The following AUTS2 variants were observed in gnomAD, a reference collection of about 807,000 sequenced individuals.
AUTS2 encodes the protein autism susceptibility gene 2 protein.
AUTS2 carries 17 observed loss-of-function variants against 112.4 expected under a neutral mutation model. That is an observed-to-expected ratio of 0.15 (90% CI 0.10 to 0.23). The LOEUF (loss-of-function observed/expected upper bound fraction) is 0.23, where lower values mean the gene tolerates loss of function less well. Ranked by LOEUF, AUTS2 falls within the 10% of genes least tolerant of loss-of-function variation. The pLI is 1.00. For missense variants in AUTS2, 1,510 were observed against 1,701.6 expected, an observed-to-expected ratio of 0.89 and a Z score of 1.98; for synonymous variants, 751 against 702.7, an observed-to-expected ratio of 1.07 and a Z score of -1.09.
chr7:70,374,213 A>G (rs1000940235), intron 4 of AUTS2, among the ~76,000 whole-genome samples: 1 of 152,226 alleles, frequency 6.6e-6, no homozygotes, highest in Non-Finnish European at 1.5e-5. Flanking sequence ...TGTCTCGAAA[A>G]GAGGGATAAA....
intron 4 of AUTS2, among the ~76,000 whole-genome samples, chr7:70,357,199 G>A (rs566752761): frequency 1.4e-4 from 22 of 152,266 alleles, no homozygotes; most frequent in Admixed American, 4.6e-4. Context: ...AACAAACCGC[G>A]CAGGGGAAGA....
chr7:70,489,139 T>C (rs1291039848), intron 5 of AUTS2, among the ~76,000 whole-genome samples: 1 of 152,234 alleles, frequency 6.6e-6, no homozygotes, highest in Non-Finnish European at 1.5e-5. Flanking sequence ...CAACTCATTC[T>C]GGGAGAAGGC....
intron 1 of AUTS2, among the ~76,000 whole-genome samples, chr7:69,876,343 AAAAAAAATATATATATATATATATATAT>A (rs1793751775): frequency 1.2e-5 from 1 of 80,594 alleles, no homozygotes; most frequent in Non-Finnish European, 2.4e-5. Flanking sequence ...AAAAAAAAAA[AAAAAAAATATATATATATATATATATAT>A]ATATATATAT....
intron 2 of AUTS2, among the ~76,000 whole-genome samples, chr7:70,019,119 G>C (rs1749154382): frequency 6.6e-6 from 1 of 152,212 alleles, no homozygotes; most frequent in Non-Finnish European, 1.5e-5. Context: ...CAGGAACATG[G>C]ATAGGAGCTG....
intron 4 of AUTS2, among the ~76,000 whole-genome samples, chr7:70,424,936 G>T (rs1014212258): frequency 6.6e-6 from 1 of 152,174 alleles, no homozygotes; most frequent in Non-Finnish European, 1.5e-5. Flanking sequence ...ATTTCTAGAG[G>T]AAAACATGCT....
chr7:70,749,930 C>G (rs760112724), intron 6 of AUTS2, among the ~76,000 whole-genome samples: 2 of 152,238 alleles, frequency 1.3e-5, no homozygotes, highest in African/African-American at 4.8e-5. Context: ...AGAGCTTCCA[C>G]CTACACTACA....
intron 2 of AUTS2, among the ~76,000 whole-genome samples, chr7:69,969,863 A>G (rs1797777863): frequency 6.6e-6 from 1 of 152,190 alleles, no homozygotes; most frequent in South Asian, 2.1e-4. Flanking sequence ...AAACTATAAG[A>G]AAATACATCA....
At chr7:69,647,861 T>TA (rs1795103077) in intron 1 of AUTS2, among the ~76,000 whole-genome samples, 2 of 152,218 alleles carry the variant, frequency 1.3e-5, no homozygotes, top group South Asian at 2.1e-4. Flanking sequence ...TTCTGGTAGT[T>TA]TATTGACAGT....
chr7:70,224,129 A>G (rs934671227), intron 4 of AUTS2, among the ~76,000 whole-genome samples: 1 of 152,112 alleles, frequency 6.6e-6, no homozygotes, highest in Non-Finnish European at 1.5e-5. Context: ...AGCCTGTGCA[A>G]TGTGGTGAAA....
intron 2 of AUTS2, among the ~76,000 whole-genome samples, chr7:69,916,026 T>TA (rs1436136391): frequency 2.6e-5 from 4 of 152,228 alleles, no homozygotes; most frequent in Non-Finnish European, 5.9e-5. Flanking sequence ...GCCTTTTGAA[T>TA]AAAAATTTAG....
chr7:69,677,787 A>G (rs1796621376), intron 1 of AUTS2, among the ~76,000 whole-genome samples: 1 of 152,210 alleles, frequency 6.6e-6, no homozygotes. Context: ...ATTAAATTCC[A>G]TCCTTTGGCT....
intron 1 of AUTS2, among the ~76,000 whole-genome samples, chr7:69,688,245 C>A (rs1306734842): frequency 6.6e-6 from 1 of 152,180 alleles, no homozygotes; most frequent in Admixed American, 6.5e-5. Flanking sequence ...AAACAGGTTT[C>A]CCAGTCAGGG....
At chr7:70,460,046 A>G (rs912355920) in intron 5 of AUTS2, among the ~76,000 whole-genome samples, 5 of 152,192 alleles carry the variant, frequency 3.3e-5, no homozygotes, top group African/African-American at 1.2e-4. Flanking sequence ...TCATCCCCAC[A>G]GCCCCGGGAG....
intron 1 of AUTS2, among the ~76,000 whole-genome samples, chr7:69,811,206 C>T (rs1790529766): frequency 6.6e-6 from 1 of 152,022 alleles, no homozygotes; most frequent in African/African-American, 2.4e-5. Flanking sequence ...CTGGTGGACA[C>T]ATGGAATCAG....
chr7:70,729,737 C>T (rs988050007), intron 6 of AUTS2, among the ~76,000 whole-genome samples: 2 of 152,216 alleles, frequency 1.3e-5, no homozygotes, highest in Non-Finnish European at 2.9e-5. Context: ...GTGCCCTCCT[C>T]TTTCAGATGT....
chr7:70,785,823 A>T, intron 16 of AUTS2, 132 bp from the exon 17 acceptor site: 1 of 736,990 alleles, frequency 1.4e-6, no homozygotes, highest in Non-Finnish European at 2.3e-6. Flanking sequence ...ACCATCTGGT[A>T]GGAAAAGTGG....
chr7:70,737,619 T>C (rs1408974158), intron 6 of AUTS2, among the ~76,000 whole-genome samples: 1 of 152,250 alleles, frequency 6.6e-6, no homozygotes, highest in Non-Finnish European at 1.5e-5. Context: ...TCCCCTTTCC[T>C]TAAACTCACG....
At chr7:70,667,961 C>T (rs12669427) in intron 5 of AUTS2, among the ~76,000 whole-genome samples, 74,804 of 152,010 alleles carry the variant, frequency 0.49, 19,295 homozygotes, top group African/African-American at 0.64. Flanking sequence ...CTAAAATGCA[C>T]ATTCTGCCTG....
intron 6 of AUTS2, among the ~76,000 whole-genome samples, chr7:70,756,670 TA>T (rs141878759): frequency 0.015 from 2,304 of 152,280 alleles, 50 homozygotes; most frequent in African/African-American, 0.052. Flanking sequence ...TAAATACTTC[TA>T]CTACAAATGC....
Sources: allele counts gnomAD v4.1 joint callset (sites outside exome capture counted in the v4.1 genomes callset), GRCh38; gene constraint gnomAD v4.1.1; transcripts MANE v1.5; gene names NCBI Gene and HGNC (gene_info 2026-07-23, HGNC 2026-07-21).